Variants in BTBD9 observed in about 807,000 individuals in gnomAD.
BTBD9 encodes the protein BTB domain containing 9, also known as BTB/POZ domain-containing protein 9.
Under a neutral mutation model 64.3 loss-of-function variants are expected in BTBD9, and 49 were observed. The ratio of observed to expected loss-of-function variants is 0.76; its 90% CI spans 0.61 to 0.97. The LOEUF (loss-of-function observed/expected upper bound fraction) is 0.97, where lower values mean the gene tolerates loss of function less well. Ranked by LOEUF, BTBD9 falls within the 50% of genes least tolerant of loss-of-function variation. The pLI, the probability that BTBD9 is intolerant of heterozygous loss-of-function variation, is 0.00. For missense variants in BTBD9, 598 were observed against 762.1 expected (o/e 0.78, Z 2.53); for synonymous variants, 260 against 274.7 (o/e 0.95, Z 0.53).
intron 8 of BTBD9, among the ~76,000 whole-genome samples, chr6:38,285,125 G>T (rs1014213750): frequency 2.0e-5 from 3 of 152,178 alleles, no homozygotes; most frequent in African/African-American, 7.2e-5. Context: ...CTGAGAGAAG[G>T]GTGTGGCCAT....
chr6:38,290,672 A>G (rs573448967), intron 7 of BTBD9, among the ~76,000 whole-genome samples: 79 of 152,288 alleles, frequency 5.2e-4, no homozygotes, highest in African/African-American at 1.9e-3. Flanking sequence ...GAAGAGAGTA[A>G]GCTGGGCACA....
chr6:38,535,196 A>G (rs1773969739), intron 6 of BTBD9, among the ~76,000 whole-genome samples: 1 of 152,164 alleles, frequency 6.6e-6, no homozygotes, highest in Admixed American at 6.5e-5. Context: ...TACAAAAATC[A>G]GTTGCATTTC....
At chr6:38,419,650 C>T (rs1767818108) in intron 6 of BTBD9, among the ~76,000 whole-genome samples, 1 of 152,142 alleles carries the variant, frequency 6.6e-6, no homozygotes, top group South Asian at 2.1e-4. Context: ...GCGGGCGGAT[C>T]ACCTAAGGTC....
intron 6 of BTBD9, among the ~76,000 whole-genome samples, chr6:38,433,143 G>C (rs188564498): frequency 1.3e-5 from 2 of 152,052 alleles, no homozygotes; most frequent in Admixed American, 6.5e-5. Context: ...TCTGTGCCTT[G>C]AGTATACCAA....
intron 6 of BTBD9, among the ~76,000 whole-genome samples, chr6:38,523,829 A>G (rs1773372813): frequency 6.6e-6 from 1 of 152,228 alleles, no homozygotes; most frequent in African/African-American, 2.4e-5. Context: ...ACAGAGGCAC[A>G]GAAAAGCTAA....
Position 38,449,976 on chromosome 6 carries a change from C to A in BTBD9, c.1155-104883G>T, listed in dbSNP as rs778080064. Among the ~76,000 whole-genome samples, 39 of 152,160 alleles carry A rather than the reference C, an allele frequency of 2.6e-4. 1 individual carries two copies. The highest frequency in any genetic ancestry group is 3.5e-4 in the Non-Finnish European group (24 of 68,030). ...AAAGCTCCTTCTGCACTCCTATGTT[C>A]ATTCCAGCACTATTCATAACAGTCA... On this transcript the variant is annotated intron_variant, in intron 6 of 10. Transcript: ENST00000481247.
intron 6 of BTBD9, among the ~76,000 whole-genome samples, chr6:38,356,545 G>C (rs1764735582): frequency 1.3e-5 from 2 of 151,762 alleles, no homozygotes; most frequent in African/African-American, 4.8e-5. Context: ...TTTGGTCTAG[G>C]GTTGCCATAT....
chr6:38,203,925 A>G (rs1194888548), intron 9 of BTBD9, among the ~76,000 whole-genome samples: 1 of 152,202 alleles, frequency 6.6e-6, no homozygotes, highest in Non-Finnish European at 1.5e-5. Context: ...AACACATAGA[A>G]ATGATAAATA....
At chr6:38,630,321 C>G (rs553084293) in intron 1 of BTBD9, among the ~76,000 whole-genome samples, 4 of 151,632 alleles carry the variant, frequency 2.6e-5, no homozygotes, top group African/African-American at 9.7e-5. Context: ...TTTTGTTGCT[C>G]TAAAGGGTAT....
intron 1 of BTBD9, among the ~76,000 whole-genome samples, chr6:38,626,101 G>T (rs1329992316): frequency 1.3e-5 from 2 of 152,180 alleles, no homozygotes; most frequent in African/African-American, 2.4e-5. Context: ...CCAGAGTTGA[G>T]AGTATGCAGT....
intron 6 of BTBD9, among the ~76,000 whole-genome samples, chr6:38,399,355 C>T (rs940427593): frequency 6.6e-6 from 1 of 152,086 alleles, no homozygotes; most frequent in African/African-American, 2.4e-5. Flanking sequence ...TGAAAGGCAA[C>T]AGTGCAAGTG....
Position 38,192,612 on chromosome 6 carries a change from A to C in BTBD9, c.1563-15T>G, listed in dbSNP as rs755304041. 5 of 1,611,734 alleles carry C rather than the reference A, an allele frequency of 3.1e-6. No homozygotes were observed. The South Asian group carries it at 5.5e-5, about 18-fold the overall frequency. On this transcript the variant is annotated splice_polypyrimidine_tract_variant and intron_variant, in intron 9 of 10. Coordinates refer to ENST00000481247, the MANE Select transcript of BTBD9 (RefSeq NM_001099272.2). ...ACTGCCAGGACCTGTGAGAGGAAAC[A>C]ACCATTTGCCTGATTAGATGGTGCA...
intron 7 of BTBD9, among the ~76,000 whole-genome samples, chr6:38,341,515 G>T (rs1562049080): frequency 1.3e-5 from 2 of 152,190 alleles, no homozygotes; most frequent in Non-Finnish European, 2.9e-5. Context: ...AACTAGTAGG[G>T]CATTAAAAAG....
rs1554143563 is a variant in BTBD9 at position 38,374,307 on chromosome 6, G to GTGTATA, written c.1155-29215_1155-29214insTATACA. Among the ~76,000 whole-genome samples, 19 of 59,070 alleles carry GTGTATA rather than the reference G, an allele frequency of 3.2e-4. 1 individual carries two copies. Among genetic ancestry groups the GTGTATA allele is most frequent in the African/African-American group, 1.2e-3 (15 of 12,602 alleles). 38.8% of individuals were successfully genotyped at this position (59,070 alleles called of 152,430 possible). On this transcript the variant is annotated intron_variant, in intron 6 of 10. Transcript: ENST00000481247. ...AGTATATATATATATGTATATATAT[G>GTGTATA]TATATATATATATATATATGTATAT... is the stretch of plus-strand genomic sequence containing the variant.
intron 1 of BTBD9, among the ~76,000 whole-genome samples, chr6:38,602,951 A>G (rs1452991753): frequency 2.0e-5 from 3 of 152,170 alleles, no homozygotes; most frequent in Admixed American, 2.0e-4. Flanking sequence ...CCAACTAAAG[A>G]TCTTCACCTA....
intron 9 of BTBD9, among the ~76,000 whole-genome samples, chr6:38,239,502 C>T (rs1763919027): frequency 6.8e-6 from 1 of 148,126 alleles, no homozygotes; most frequent in Non-Finnish European, 1.5e-5. Flanking sequence ...TAACCTGAGA[C>T]ATGGCAGTTT....
At chr6:38,628,545 A>G (rs1778249082) in intron 1 of BTBD9, among the ~76,000 whole-genome samples, 1 of 152,200 alleles carries the variant, frequency 6.6e-6, no homozygotes, top group South Asian at 2.1e-4. Context: ...AAACACGAAA[A>G]GGGGAATGGG....
chr6:38,224,387 C>A (rs536598645), intron 9 of BTBD9, among the ~76,000 whole-genome samples: 1 of 152,152 alleles, frequency 6.6e-6, no homozygotes, highest in Non-Finnish European at 1.5e-5. Flanking sequence ...TGGCCATGAG[C>A]GTATTTCTGG....
intron 6 of BTBD9, among the ~76,000 whole-genome samples, chr6:38,541,891 T>G (rs932426723): frequency 2.0e-5 from 3 of 152,234 alleles, no homozygotes; most frequent in Non-Finnish European, 4.4e-5. Flanking sequence ...GTAGAAATTC[T>G]AAGGTTCCTA....
Sources: allele counts gnomAD v4.1 joint callset (sites outside exome capture counted in the v4.1 genomes callset), GRCh38; gene constraint gnomAD v4.1.1; transcripts MANE v1.5; gene names NCBI Gene and HGNC (gene_info 2026-07-23, HGNC 2026-07-21).